KDM6A: variants seen among roughly 807,000 people sequenced by gnomAD.
KDM6A encodes the protein lysine demethylase 6A.
Under a neutral mutation model 117.6 loss-of-function variants are expected in KDM6A, and 11 were observed. The observed-to-expected ratio is 0.09, with a 90% CI of 0.06 to 0.15. KDM6A has a LOEUF of 0.15. Among genes scored for constraint, KDM6A ranks in the 10% least tolerant of loss-of-function variants. The pLI, the probability that KDM6A is intolerant of heterozygous loss-of-function variation, is 1.00. For missense variants in KDM6A, 799 were observed against 1,077.3 expected (o/e 0.74, Z 3.62); for synonymous variants, 384 against 396.1 (o/e 0.97, Z 0.36).
chrX:45,046,041 T>C (rs923523226), intron 8 of KDM6A, among the ~76,000 whole-genome samples: 5 of 111,472 alleles, frequency 4.5e-5, no homozygotes, highest in African/African-American at 1.6e-4. Context: ...ATGATGAATA[T>C]TGGTGTAAAA....
intron 25 of KDM6A, 176 bp downstream of exon 25, chrX:45,086,155 A>G (rs1180391285): frequency 4.9e-6 from 2 of 411,591 alleles, no homozygotes; most frequent in African/African-American, 5.0e-5. Flanking sequence ...TATTGGAAAT[A>G]CTTTAAGAAA....
chrX:45,007,638 C>G (rs1487047078), intron 4 of KDM6A, among the ~76,000 whole-genome samples: 2 of 112,250 alleles, frequency 1.8e-5, no homozygotes, highest in African/African-American at 3.2e-5. Flanking sequence ...GGCATCTACT[C>G]TATGGAAGTG....
chrX:45,021,411 G>T (rs1042493527), intron 6 of KDM6A, among the ~76,000 whole-genome samples: 1 of 111,541 alleles, frequency 9.0e-6, no homozygotes, highest in Non-Finnish European at 1.9e-5. Flanking sequence ...GAAAGGAGTA[G>T]CAGTTGTAGG....
At chrX:44,966,812 T>A in intron 3 of KDM6A, among the ~76,000 whole-genome samples, 1 of 110,451 alleles carries the variant, frequency 9.1e-6, no homozygotes, top group Admixed American at 9.6e-5. Flanking sequence ...TTTTTTGAAA[T>A]CCTCTTTGAG....
chrX:44,939,968 A>G (rs966404594), intron 2 of KDM6A, among the ~76,000 whole-genome samples: 1 of 112,674 alleles, frequency 8.9e-6, no homozygotes, highest in Non-Finnish European at 1.9e-5. Flanking sequence ...CAAAAAATTC[A>G]TGTGACTCAC....
chrX:45,020,215 A>G (rs1426130029), intron 5 of KDM6A, among the ~76,000 whole-genome samples: 1 of 111,829 alleles, frequency 8.9e-6, no homozygotes, highest in Non-Finnish European at 1.9e-5. Context: ...ATTTTTATAG[A>G]GTAGACCAGA....
intron 17 of KDM6A, among the ~76,000 whole-genome samples, chrX:45,064,805 A>G (rs1191010311): frequency 8.9e-6 from 1 of 111,939 alleles, no homozygotes; most frequent in East Asian, 2.8e-4. Flanking sequence ...TAAGATTTTT[A>G]AGTTTATTCT....
intron 2 of KDM6A, among the ~76,000 whole-genome samples, chrX:44,923,680 G>A (rs2036123131): frequency 9.2e-6 from 1 of 108,514 alleles, no homozygotes; most frequent in South Asian, 4.0e-4. Context: ...GAGTAGCTGG[G>A]ATTACAGGCA....
At chrX:45,005,420 A>T (rs990679051) in intron 4 of KDM6A, among the ~76,000 whole-genome samples, 4 of 110,725 alleles carry the variant, frequency 3.6e-5, no homozygotes, top group African/African-American at 1.3e-4. Context: ...TTTTTAAGGG[A>T]AAAAGGAGGG....
At chrX:44,965,784 A>G (rs1035850615) in intron 3 of KDM6A, among the ~76,000 whole-genome samples, 1 of 112,578 alleles carries the variant, frequency 8.9e-6, no homozygotes, top group African/African-American at 3.2e-5. Flanking sequence ...TTAAGTGAGC[A>G]CATGGCTGTT....
chrX:44,938,990 T>G (rs5905420), intron 2 of KDM6A, among the ~76,000 whole-genome samples: 20,229 of 111,783 alleles, frequency 0.18, 1,731 homozygotes, highest in Admixed American at 0.38. Context: ...AAAATATTAC[T>G]GCTTATTGAC....
At chrX:45,006,676 G>A (rs1184440318) in intron 4 of KDM6A, among the ~76,000 whole-genome samples, 1 of 110,344 alleles carries the variant, frequency 9.1e-6, no homozygotes, top group Non-Finnish European at 1.9e-5. Context: ...AGTCAGGGTG[G>A]AGCAGGTAAT....
At chrX:44,988,116 C>CT (rs2040349031) in intron 4 of KDM6A, among the ~76,000 whole-genome samples, 1 of 111,620 alleles carries the variant, frequency 9.0e-6, no homozygotes, top group African/African-American at 3.3e-5. Context: ...TCTTTTTATT[C>CT]TTTTTTCTCT....
intron 17 of KDM6A, among the ~76,000 whole-genome samples, chrX:45,065,863 C>T (rs2044508492): frequency 9.1e-6 from 1 of 109,916 alleles, no homozygotes; most frequent in African/African-American, 3.4e-5. Context: ...GAGTGATGCC[C>T]TGGAAGCCAA....
intron 17 of KDM6A, among the ~76,000 whole-genome samples, chrX:45,068,884 C>T (rs977393784): frequency 2.9e-5 from 3 of 103,816 alleles, no homozygotes. Context: ...TTTGTGGAGA[C>T]GGAGTCTCAT....
chrX:45,104,134 T>A (rs1483913389), intron 27 of KDM6A, among the ~76,000 whole-genome samples: 1 of 110,581 alleles, frequency 9.0e-6, no homozygotes, highest in Non-Finnish European at 1.9e-5. Context: ...AAGCAATTCT[T>A]CTGCCTCAGC....
chrX:45,022,687 T>C (rs1162302003), intron 6 of KDM6A, among the ~76,000 whole-genome samples: 1 of 112,138 alleles, frequency 8.9e-6, no homozygotes, highest in Non-Finnish European at 1.9e-5. Context: ...TTCACCTTCA[T>C]CTGGATAAAT....
At chrX:45,058,943 T>A (rs2147954438) in intron 10 of KDM6A, 63 bp from the exon 11 acceptor site, 1 of 1,011,450 alleles carries the variant, frequency 9.9e-7, no homozygotes, top group South Asian at 1.9e-5. Context: ...TTTCAGCCGA[T>A]TAATTTGTTT....
chrX:45,002,318 T>G (rs774268845), intron 4 of KDM6A, among the ~76,000 whole-genome samples: 1 of 111,564 alleles, frequency 9.0e-6, no homozygotes, highest in Non-Finnish European at 1.9e-5. Flanking sequence ...GGTAAAATTT[T>G]TATAGACTCT....
Sources: gnomAD v4.1 joint callset for allele counts (sites outside exome capture counted in the v4.1 genomes callset) on GRCh38, gnomAD v4.1.1 for gene constraint, MANE v1.5 for transcripts, NCBI Gene and HGNC (gene_info 2026-07-23, HGNC 2026-07-21) for gene names.